The following DGKH variants were observed in gnomAD, a reference collection of about 807,000 sequenced individuals.
The protein encoded by DGKH is DAG kinase eta.
In DGKH, 90 loss-of-function variants were observed where a neutral mutation model predicts 159.3. The ratio of observed to expected loss-of-function variants is 0.57; its 90% confidence interval spans 0.48 to 0.67. The LOEUF (loss-of-function observed/expected upper bound fraction) is 0.67. DGKH is among the 30% of genes least tolerant of loss of function. DGKH has a pLI of 0.00. For synonymous variants in DGKH, 536 were observed against 553.8 expected, an observed-to-expected ratio of 0.97 and a Z score of 0.45; for missense variants, 1,181 against 1,506.1, an observed-to-expected ratio of 0.78 and a Z score of 3.57.
intron 3 of DGKH, among the ~76,000 whole-genome samples, chr13:42,154,873 T>G (rs915700524): frequency 6.8e-6 from 1 of 147,744 alleles, no homozygotes; most frequent in Non-Finnish European, 1.5e-5. Flanking sequence ...ACCCTGCCTC[T>G]ACTAAAAAAA....
At chr13:42,085,448 T>G (rs1427513740) in intron 1 of DGKH, among the ~76,000 whole-genome samples, 1 of 152,196 alleles carries the variant, frequency 6.6e-6, no homozygotes, top group East Asian at 1.9e-4. Flanking sequence ...TGATTGTGAT[T>G]TGGAGTTTGT....
chr13:42,174,363 G>C (rs58463412), intron 12 of DGKH, among the ~76,000 whole-genome samples: 13,990 of 152,088 alleles, frequency 0.092, 1,515 homozygotes, highest in African/African-American at 0.26. Flanking sequence ...CACCCACACC[G>C]GGAGTGCCCA....
chr13:42,169,967 G>A (rs9594693), intron 11 of DGKH, among the ~76,000 whole-genome samples: 20,605 of 152,132 alleles, frequency 0.14, 1,635 homozygotes, highest in South Asian at 0.19. Flanking sequence ...TAGCTTGATT[G>A]TGTTGTATAT....
upstream of DGKH, among the ~76,000 whole-genome samples, chr13:42,045,727 T>TC (rs1384721448): frequency 3.3e-5 from 5 of 152,232 alleles, no homozygotes; most frequent in African/African-American, 1.2e-4. Flanking sequence ...GGAACACAAG[T>TC]CCTAGAACAC....
chr13:42,083,847 G>A (rs993765100), intron 1 of DGKH, among the ~76,000 whole-genome samples: 19 of 152,142 alleles, frequency 1.2e-4, no homozygotes, highest in Non-Finnish European at 2.6e-4. Flanking sequence ...GGAAACCAAC[G>A]ATATTTTCTC....
chr13:42,196,889 A>G (rs952532297), intron 17 of DGKH, among the ~76,000 whole-genome samples: 4 of 152,224 alleles, frequency 2.6e-5, no homozygotes, highest in Non-Finnish European at 4.4e-5. Context: ...TTCTATTCCA[A>G]CTAGGAACCT....
In DGKH at chr13:42,152,615, C is replaced by T. The variant is rs1261174307; in HGVS notation, c.385-2676C>T. On this transcript the variant is annotated intron_variant, in intron 3 of 29. Transcript: ENST00000337343. Reference sequence around the variant, plus strand: ...CAAGTCCTTTGTCATGTCATTTTCCCATGGAAGGCAGGGCAGAAGGGCACA... The same window carrying T: ...CAAGTCCTTTGTCATGTCATTTTCCTATGGAAGGCAGGGCAGAAGGGCACA... Among the ~76,000 whole-genome samples, 5 of 131,222 alleles carry T rather than the reference C, an allele frequency of 3.8e-5. No individual in the cohort carries two copies. In the East Asian group the frequency reaches 9.9e-4, roughly 26 times the overall value. The allele number at this position is 131,222 out of a possible 152,430, so 86.1% of individuals were successfully genotyped here. A position where few individuals can be genotyped will look rare whatever the true frequency, so the allele number is the denominator to read the frequency against.
intron 20 of DGKH, among the ~76,000 whole-genome samples, chr13:42,203,186 T>C (rs1957387952): frequency 6.6e-6 from 1 of 152,234 alleles, no homozygotes; most frequent in African/African-American, 2.4e-5. Flanking sequence ...ACTTTTTAAA[T>C]CATTTTGAAT....
intron 24 of DGKH, among the ~76,000 whole-genome samples, chr13:42,212,683 C>T (rs1358299885): frequency 6.6e-6 from 1 of 152,178 alleles, no homozygotes. Flanking sequence ...TATTCATTGA[C>T]TATGCAAACA....
At chr13:42,192,600 T>TTCC (rs1555273257) in intron 16 of DGKH, among the ~76,000 whole-genome samples, 17,803 of 56,028 alleles carry the variant, frequency 0.32, 1,510 homozygotes, top group East Asian at 0.56. Flanking sequence ...CCTCTTCCTC[T>TTCC]TCTTCTTCTT....
intron 7 of DGKH, among the ~76,000 whole-genome samples, chr13:42,163,758 A>G (rs1028678395): frequency 2.6e-4 from 39 of 151,222 alleles, no homozygotes; most frequent in Admixed American, 1.6e-3. Context: ...GATTCTGGAT[A>G]TTAGCCCTTT....
intron 3 of DGKH, among the ~76,000 whole-genome samples, chr13:42,133,810 C>G (rs771052903): frequency 1.3e-5 from 2 of 152,214 alleles, no homozygotes; most frequent in Non-Finnish European, 2.9e-5. Flanking sequence ...TTTGGTAGAA[C>G]TTTCCAGGGT....
At position 42,199,696 on chromosome 13, in the gene DGKH, T is replaced by C. The variant is rs202209547; in HGVS notation, c.2396+20T>C. On this transcript the variant is annotated intron_variant, in intron 19 of 29. Transcript: ENST00000337343. ...ATGCAGGTAATTTTAGTAAAAGTAA[T>C]AATGCTATTACATAAAGGCAATTTT... is the stretch of plus-strand genomic sequence containing the variant. 6.3e-7 allele frequency: 1 copy of C among 1,577,106 alleles called. No homozygotes were observed. The highest frequency in any genetic ancestry group is 2.3e-5 in the East Asian group (1 of 44,378).
At chr13:42,098,891 A>G (rs1249937169) in intron 1 of DGKH, among the ~76,000 whole-genome samples, 1 of 152,260 alleles carries the variant, frequency 6.6e-6, no homozygotes, top group Non-Finnish European at 1.5e-5. Flanking sequence ...ACATTCCGGA[A>G]GTACACTGGA....
chr13:42,111,975 G>A (rs953305333), intron 1 of DGKH, among the ~76,000 whole-genome samples: 2 of 152,200 alleles, frequency 1.3e-5, no homozygotes, highest in Non-Finnish European at 2.9e-5. Flanking sequence ...TGAAGAGCGA[G>A]CGCTTCACTG....
chr13:42,227,089 T>C (rs991712045), intron 29 of DGKH, among the ~76,000 whole-genome samples: 1 of 151,904 alleles, frequency 6.6e-6, no homozygotes, highest in African/African-American at 2.4e-5. Flanking sequence ...GGGAACAACA[T>C]ACACTGGGTC....
chr13:42,047,328 TA>T (rs1241748881), upstream of DGKH, among the ~76,000 whole-genome samples: 37 of 148,264 alleles, frequency 2.5e-4, no homozygotes, highest in South Asian at 4.2e-4. Flanking sequence ...GACTGCAAGT[TA>T]AAAAAAAAAA....
In DGKH at chr13:42,132,166, G is replaced by A. The variant is rs372194473; in HGVS notation, c.384+2534G>A. Among the ~76,000 whole-genome samples, 14 of 152,154 alleles carry A rather than the reference G, an allele frequency of 9.2e-5. 1 individual carries two copies. The East Asian group carries it at 1.9e-3, about 21-fold the overall frequency. Reference sequence around the variant, plus strand: ...ATTTTTTTAATGACACACAATGATTGTACATATTTGTAGGATACATAGTGA... The same window carrying A: ...ATTTTTTTAATGACACACAATGATTATACATATTTGTAGGATACATAGTGA... On this transcript the variant is annotated intron_variant, in intron 3 of 29. Transcript: ENST00000337343.
At chr13:42,255,877 G>A in intron 30 of DGKH, 2 of 1,199,898 alleles carry the variant, frequency 1.7e-6, no homozygotes, top group Non-Finnish European at 2.4e-6. Context: ...TGATAGAGAA[G>A]GTTGCTGCAA....
Sources: allele counts gnomAD v4.1 joint callset (sites outside exome capture counted in the v4.1 genomes callset), GRCh38; gene constraint gnomAD v4.1.1; transcripts MANE v1.5; gene names NCBI Gene and HGNC (gene_info 2026-07-23, HGNC 2026-07-21).